Variants in DLGAP2 observed in about 807,000 individuals in gnomAD.
DLGAP2 encodes the protein DLG associated protein 2.
A neutral mutation model predicts 100.3 loss-of-function variants in DLGAP2; 26 were observed. That is an observed-to-expected ratio of 0.26 (90% confidence interval 0.19 to 0.36). DLGAP2 has a LOEUF of 0.36. DLGAP2 is among the 10% of genes least tolerant of loss of function. The pLI, the probability that DLGAP2 is intolerant of heterozygous loss-of-function variation, is 1.00. For missense variants in DLGAP2, 1,858 were observed against 1,453.2 expected, an observed-to-expected ratio of 1.28 and a Z score of -4.53; for synonymous variants, 886 against 630.1, an observed-to-expected ratio of 1.41 and a Z score of -6.08.
At chr8:903,930 G>A (rs1475766221) in intron 1 of DLGAP2, among the ~76,000 whole-genome samples, 1 of 152,238 alleles carries the variant, frequency 6.6e-6, no homozygotes, top group African/African-American at 2.4e-5. Context: ...CTGTTCCCCT[G>A]GAGGGCGGAG....
At chr8:1,409,172 A>T (rs988599234) in intron 3 of DLGAP2, among the ~76,000 whole-genome samples, 1 of 146,694 alleles carries the variant, frequency 6.8e-6, no homozygotes. Flanking sequence ...CTTCCTCACC[A>T]TAGCAGGCGC....
chr8:1,445,320 A>G (rs1238674620), intron 3 of DLGAP2, among the ~76,000 whole-genome samples: 1 of 138,794 alleles, frequency 7.2e-6, no homozygotes, highest in Non-Finnish European at 1.5e-5. Flanking sequence ...ATTCCCACCT[A>G]TGAGTGAGAA....
chr8:1,609,127 G>A (rs1584988575), intron 6 of DLGAP2, among the ~76,000 whole-genome samples: 1 of 129,904 alleles, frequency 7.7e-6, no homozygotes, highest in Non-Finnish European at 1.7e-5. Flanking sequence ...AAAATGTTAA[G>A]GGCAGCCAGA....
intron 3 of DLGAP2, among the ~76,000 whole-genome samples, chr8:1,315,864 G>C (rs1347766082): frequency 9.4e-6 from 1 of 106,064 alleles, no homozygotes; most frequent in Non-Finnish European, 2.0e-5. Flanking sequence ...CGAGTGCAGC[G>C]TCTCTCCAAC....
Position 889,891 on chromosome 8 carries a change from G to A in DLGAP2, c.19-18021G>A, listed in dbSNP as rs1584865784. ...GGAACTGTAGGCCCCAGTGGCGTGA[G>A]TTTGCAAGTGGGATCTTCTGATCCG... On this transcript the variant is annotated intron_variant, in intron 1 of 14. Transcript: ENST00000637795. Among the ~76,000 whole-genome samples the A allele has an allele frequency of 3.3e-5, 5 of 152,356 alleles. No homozygotes were observed. In the South Asian group the frequency reaches 1.0e-3, roughly 32 times the overall value.
intron 1 of DLGAP2, among the ~76,000 whole-genome samples, chr8:898,366 C>A (rs1490939621): frequency 1.3e-5 from 2 of 152,210 alleles, no homozygotes; most frequent in Non-Finnish European, 2.9e-5. Flanking sequence ...TCTCCTCGGG[C>A]TGAAGTGCAC....
intron 1 of DLGAP2, among the ~76,000 whole-genome samples, chr8:877,349 C>T (rs570624639): frequency 6.6e-6 from 1 of 152,118 alleles, no homozygotes; most frequent in Non-Finnish European, 1.5e-5. Context: ...TTAGAGGAGT[C>T]TAGACTCTCT....
intron 2 of DLGAP2, among the ~76,000 whole-genome samples, chr8:1,166,452 G>T (rs1797018067): frequency 6.6e-6 from 1 of 152,218 alleles, no homozygotes; most frequent in African/African-American, 2.4e-5. Context: ...CCAGGAAGGA[G>T]TGGGCAGAGC....
At chr8:990,057 C>T (rs1445457599) in intron 2 of DLGAP2, among the ~76,000 whole-genome samples, 1 of 152,078 alleles carries the variant, frequency 6.6e-6, no homozygotes, top group Non-Finnish European at 1.5e-5. Flanking sequence ...CATTACAGAT[C>T]ACTGCTTCCC....
chr8:1,005,036 A>G (rs149593164), intron 2 of DLGAP2, among the ~76,000 whole-genome samples: 4 of 152,286 alleles, frequency 2.6e-5, no homozygotes, highest in African/African-American at 7.2e-5. Context: ...ATGGAGGGCA[A>G]TGAGTGAAGA....
At chr8:1,101,635 C>G (rs1397487569) in intron 2 of DLGAP2, among the ~76,000 whole-genome samples, 1 of 151,896 alleles carries the variant, frequency 6.6e-6, no homozygotes, top group African/African-American at 2.4e-5. Flanking sequence ...CTGAGCCAAA[C>G]ATGACACGAC....
intron 1 of DLGAP2, among the ~76,000 whole-genome samples, chr8:902,383 C>G (rs893257154): frequency 5.9e-4 from 88 of 149,668 alleles, no homozygotes; most frequent in African/African-American, 2.1e-3. Context: ...CCAAGGGCAG[C>G]CGGAGGGTTC....
At chr8:890,422 A>T (rs925697522) in intron 1 of DLGAP2, among the ~76,000 whole-genome samples, 1 of 151,990 alleles carries the variant, frequency 6.6e-6, no homozygotes, top group African/African-American at 2.4e-5. Flanking sequence ...ATGGGAATAT[A>T]GTTCGGGAAT....
chr8:1,120,398 T>A (rs1452888615), intron 2 of DLGAP2, among the ~76,000 whole-genome samples: 1 of 152,214 alleles, frequency 6.6e-6, no homozygotes, highest in African/African-American at 2.4e-5. Flanking sequence ...GTCCTTCAGA[T>A]ACCATGACAG....
chr8:1,320,920 C>T (rs1438233371), intron 3 of DLGAP2, among the ~76,000 whole-genome samples: 1 of 152,066 alleles, frequency 6.6e-6, no homozygotes, highest in African/African-American at 2.4e-5. Context: ...CATGTGTGTG[C>T]ATGTATCTGT....
chr8:816,091 A>G (rs1222676834), intron 1 of DLGAP2, among the ~76,000 whole-genome samples: 1 of 152,110 alleles, frequency 6.6e-6, no homozygotes, highest in Non-Finnish European at 1.5e-5. Context: ...TTTTAAGTTT[A>G]TGTGAGTCCT....
chr8:982,625 TATAAA>T (rs1800368659), intron 2 of DLGAP2, among the ~76,000 whole-genome samples: 1 of 152,238 alleles, frequency 6.6e-6, no homozygotes, highest in African/African-American at 2.4e-5. Flanking sequence ...GATTCTTTGC[TATAAA>T]ATAAAATTCT....
At chr8:1,149,406 CA>C (rs1364149434) in intron 2 of DLGAP2, among the ~76,000 whole-genome samples, 1 of 152,126 alleles carries the variant, frequency 6.6e-6, no homozygotes, top group African/African-American at 2.4e-5. Flanking sequence ...CTCGGCCTCC[CA>C]AAGTGCTGGG....
rs1184950453 is a variant in DLGAP2, at chr8:1,464,337, C to T, written c.107-37029C>T. 1.7e-4 allele frequency among the ~76,000 whole-genome samples: 26 copies of T among 151,680 alleles called. 5 individuals are homozygous for T. The highest frequency in any genetic ancestry group is 2.7e-4 in the African/African-American group (11 of 41,344). ...GGACAACGCCCTTCCAGGACGGCAC[C>T]CTTCCAGGACGGCACCCTTCCAGGA... On this transcript the variant is annotated intron_variant, in intron 3 of 14. Transcript: ENST00000637795.
Sources: gnomAD v4.1 joint callset for allele counts (sites outside exome capture counted in the v4.1 genomes callset) on GRCh38, gnomAD v4.1.1 for gene constraint, MANE v1.5 for transcripts, NCBI Gene and HGNC (gene_info 2026-07-23, HGNC 2026-07-21) for gene names.